The following RASSF3 variants were observed in gnomAD, a reference collection of about 807,000 sequenced individuals.
The protein encoded by RASSF3 is Ras association domain family member 3, also known as ras association domain-containing protein 3.
A neutral mutation model predicts 19.9 loss-of-function variants in RASSF3; 19 were observed. The ratio of observed to expected loss-of-function variants is 0.96; its 90% CI spans 0.67 to 1.40. The LOEUF is 1.40. Ranked by LOEUF, RASSF3 falls within the 40% of genes most tolerant of loss-of-function variation. The pLI, the probability that RASSF3 is intolerant of heterozygous loss-of-function variation, is 0.00. For synonymous variants in RASSF3, 110 were observed against 104.2 expected (o/e 1.06, Z -0.34); for missense variants, 306 against 289.8 (o/e 1.06, Z -0.41).
Position 64,534,672 on chromosome 12 carries a change from GAA to G in RASSF3, c.67+1340_67+1341del, listed in dbSNP as rs1868783549. On this transcript the variant is annotated intron_variant, in intron 1 of 1. Transcript: ENST00000636333. The stretch of plus-strand genomic sequence containing the variant: ...CAGGTATATGTGTGTGTATGAGAGA[GAA>G]AGAGAGAATAGAGAGACAGAGAGAG... Among the ~76,000 whole-genome samples, 4 of 152,192 alleles carry G rather than the reference GAA, an allele frequency of 2.6e-5. No individual in the cohort carries two copies. In the South Asian group the frequency reaches 6.2e-4, roughly 24 times the overall value.
At chr12:64,564,515 T>A (rs907266303) in intron 2 of RASSF3, among the ~76,000 whole-genome samples, 11 of 152,124 alleles carry the variant, frequency 7.2e-5, no homozygotes, top group Admixed American at 7.2e-4. Flanking sequence ...TCCAAGTAGC[T>A]GGGATTACAG....
chr12:64,626,798 C>G (rs914453531), intron 1 of RASSF3, among the ~76,000 whole-genome samples: 1 of 152,152 alleles, frequency 6.6e-6, no homozygotes, highest in Non-Finnish European at 1.5e-5. Context: ...CTCCTGGGCT[C>G]AAGTGATCCT....
intron 1 of RASSF3, among the ~76,000 whole-genome samples, chr12:64,626,488 CAAAAA>C (rs36122537): frequency 2.6e-5 from 2 of 76,842 alleles, no homozygotes; most frequent in African/African-American, 4.4e-5. Flanking sequence ...ACTCTTGTCT[CAAAAA>C]AAAAAAAAAA....
downstream of RASSF3, among the ~76,000 whole-genome samples, chr12:64,546,370 A>C (rs891184197): frequency 6.6e-6 from 1 of 152,088 alleles, no homozygotes; most frequent in African/African-American, 2.4e-5. Context: ...TCCCGGGTTC[A>C]TGCCATTCTC....
chr12:64,603,877 C>G (rs1011181571), intron 2 of RASSF3, among the ~76,000 whole-genome samples: 1 of 151,954 alleles, frequency 6.6e-6, no homozygotes, highest in Non-Finnish European at 1.5e-5. Flanking sequence ...GAGATGGAGT[C>G]TTGCTCTGTC....
chr12:64,526,734 CAG>C (rs1868596343), intron 1 of RASSF3, among the ~76,000 whole-genome samples: 1 of 152,074 alleles, frequency 6.6e-6, no homozygotes, highest in South Asian at 2.1e-4. Context: ...TTCGTAGAGA[CAG>C]AGTCTCACTA....
chr12:64,560,233 T>TA (rs1869325336), intron 2 of RASSF3, among the ~76,000 whole-genome samples: 1 of 152,192 alleles, frequency 6.6e-6, no homozygotes, highest in Admixed American at 6.5e-5. Context: ...CTTAACTGAC[T>TA]TGCTTTAGCT....
intron 1 of RASSF3, among the ~76,000 whole-genome samples, chr12:64,647,283 CTG>C (rs1405709628): frequency 3.3e-5 from 5 of 152,084 alleles, no homozygotes; most frequent in Non-Finnish European, 1.5e-5. Context: ...GAGCCTCACT[CTG>C]TCACCAAGAC....
chr12:64,651,426 C>G (rs1027394967), intron 1 of RASSF3, among the ~76,000 whole-genome samples: 2 of 152,136 alleles, frequency 1.3e-5, no homozygotes, highest in East Asian at 3.9e-4. Flanking sequence ...TGGCTTGATA[C>G]TGGCTCACTG....
chr12:64,557,244 TG>T (rs1869271084), intron 2 of RASSF3, among the ~76,000 whole-genome samples: 1 of 152,190 alleles, frequency 6.6e-6, no homozygotes, highest in African/African-American at 2.4e-5. Context: ...CCTGAGTTCC[TG>T]GCAATCATGC....
intron 1 of RASSF3, among the ~76,000 whole-genome samples, chr12:64,534,130 G>A (rs1407525435): frequency 6.6e-6 from 1 of 151,886 alleles, no homozygotes; most frequent in Non-Finnish European, 1.5e-5. Context: ...GTGTGGTGGT[G>A]GGCACCTGTA....
chr12:64,677,706 C>T (rs1872959718), intron 1 of RASSF3, among the ~76,000 whole-genome samples: 1 of 152,204 alleles, frequency 6.6e-6, no homozygotes, highest in South Asian at 2.1e-4. Context: ...GCAGGACATG[C>T]TCCCCACCTG....
intron 1 of RASSF3, among the ~76,000 whole-genome samples, chr12:64,674,165 C>T (rs772491596): frequency 6.6e-6 from 1 of 152,114 alleles, no homozygotes; most frequent in Non-Finnish European, 1.5e-5. Flanking sequence ...TGATGATGCA[C>T]ATGGATAACA....
In RASSF3 at chr12:64,695,021, C is replaced by A; in HGVS notation, c.*109C>A. 8.3e-7 allele frequency: 1 copy of A among 1,203,286 alleles called. No homozygotes were observed. Among genetic ancestry groups the A allele is most frequent in the Non-Finnish European group, 1.1e-6 (1 of 869,572 alleles). 74.5% of individuals were successfully genotyped at this position (1,203,286 alleles called of 1,614,324 possible). A position where few individuals can be genotyped will look rare whatever the true frequency, so the allele number is the denominator to read the frequency against. The stretch of plus-strand genomic sequence containing the variant: ...TCTTGCCCCACTATGCTAGGGTCTT[C>A]GCCTTTCTATCTGTAGATTTTGTTC... On this transcript the variant is annotated 3_prime_UTR_variant, in exon 5 of 5. Transcript: ENST00000542104.
At chr12:64,685,508 G>T (rs1000170155) in intron 2 of RASSF3, among the ~76,000 whole-genome samples, 1 of 152,182 alleles carries the variant, frequency 6.6e-6, no homozygotes, top group African/African-American at 2.4e-5. Context: ...GCCTCCCAAA[G>T]TGCTGGGATT....
At chr12:64,521,646 C>A (rs1458855700) in intron 1 of RASSF3, among the ~76,000 whole-genome samples, 1 of 152,160 alleles carries the variant, frequency 6.6e-6, no homozygotes, top group Non-Finnish European at 1.5e-5. Flanking sequence ...GCCCTTCTTC[C>A]ATGCGTCTAT....
At position 64,694,895 on chromosome 12, in the gene RASSF3, G is replaced by T; in HGVS notation, c.700G>T (p.Val234Leu). ...RQKLEEALRE[V>L]WKPD ...GAAGCTGGAAGAAGCCCTCCGTGAGGTGTGGAAGCCTGATTAAAGCGGGGC... is the reference window on the plus strand; with the variant it reads ...GAAGCTGGAAGAAGCCCTCCGTGAGTTGTGGAAGCCTGATTAAAGCGGGGC... Residue 234 changes from valine (V) to leucine (L), a missense_variant, in exon 5 of 5, where the codon GTG becomes TTG. Transcript: ENST00000542104. The T allele has an allele frequency of 1.9e-6, 3 of 1,614,156 alleles. No homozygotes were observed. The highest frequency in any genetic ancestry group is 2.5e-6 in the Non-Finnish European group (3 of 1,180,014).
chr12:64,645,177 T>G (rs1014705154), intron 1 of RASSF3, among the ~76,000 whole-genome samples: 2 of 152,180 alleles, frequency 1.3e-5, no homozygotes, highest in African/African-American at 4.8e-5. Context: ...TCAAAAGGAC[T>G]GAAGGAAATG....
chr12:64,563,711 G>T (rs1869384866), intron 2 of RASSF3, among the ~76,000 whole-genome samples: 1 of 152,082 alleles, frequency 6.6e-6, no homozygotes, highest in South Asian at 2.1e-4. Flanking sequence ...CGTTCATTCT[G>T]CCTGGAATAT....
Sources: gnomAD v4.1 joint callset for allele counts (sites outside exome capture counted in the v4.1 genomes callset) on GRCh38, gnomAD v4.1.1 for gene constraint, MANE v1.5 for transcripts, NCBI Gene and HGNC (gene_info 2026-07-23, HGNC 2026-07-21) for gene names.